The following PLEKHA6 variants were observed in gnomAD, a reference collection of about 807,000 sequenced individuals.
PLEKHA6 encodes the protein pleckstrin homology domain containing A6, also known as pleckstrin homology domain-containing family A member 6.
In PLEKHA6, 60 loss-of-function variants were observed where a neutral mutation model predicts 116.7. The observed-to-expected ratio is 0.51, with a 90% CI of 0.42 to 0.64. The LOEUF is 0.64. Among genes scored for constraint, PLEKHA6 ranks in the 30% least tolerant of loss-of-function variants. The pLI, the probability that PLEKHA6 is intolerant of heterozygous loss-of-function variation, is 0.00. For missense variants in PLEKHA6, 1,338 were observed against 1,422.7 expected, an observed-to-expected ratio of 0.94 and a Z score of 0.96; for synonymous variants, 489 against 556.1, an observed-to-expected ratio of 0.88 and a Z score of 1.70.
At chr1:204,290,468 T>C (rs962545703) in intron 1 of PLEKHA6, among the ~76,000 whole-genome samples, 3 of 152,026 alleles carry the variant, frequency 2.0e-5, no homozygotes, top group African/African-American at 4.8e-5. Flanking sequence ...GTAAAACACA[T>C]GAAAACAAAC....
intron 1 of PLEKHA6, among the ~76,000 whole-genome samples, chr1:204,296,046 G>A (rs950002681): frequency 1.3e-5 from 2 of 152,070 alleles, no homozygotes; most frequent in African/African-American, 4.8e-5. Context: ...GACCAAGGAA[G>A]GGCATATGTG....
At chr1:204,328,042 TTTATTTTATTTATTTATTTA>T (rs1433749330) in intron 1 of PLEKHA6, among the ~76,000 whole-genome samples, 73 of 134,622 alleles carry the variant, frequency 5.4e-4, no homozygotes, top group African/African-American at 1.9e-3. Context: ...GCTGCTTTTA[TTTATTTTATTTATTTATTTA>T]TTTATTTATT....
At chr1:204,254,722 G>C (rs1466322780) in intron 9 of PLEKHA6, among the ~76,000 whole-genome samples, 1 of 152,204 alleles carries the variant, frequency 6.6e-6, no homozygotes, top group Admixed American at 6.5e-5. Flanking sequence ...GCTTAGAATA[G>C]TATGGGGCAT....
At chr1:204,322,007 A>G (rs1672080094) in intron 1 of PLEKHA6, among the ~76,000 whole-genome samples, 1 of 152,242 alleles carries the variant, frequency 6.6e-6, no homozygotes, top group Non-Finnish European at 1.5e-5. Flanking sequence ...AACTAAAAAC[A>G]TAAACCACCA....
chr1:204,240,968 C>T (rs953275971), intron 17 of PLEKHA6, among the ~76,000 whole-genome samples: 3 of 152,148 alleles, frequency 2.0e-5, no homozygotes, highest in Non-Finnish European at 2.9e-5. Flanking sequence ...ATTTTTCTCC[C>T]GTGCTGGATG....
chr1:204,250,649 G>A, intron 9 of PLEKHA6, 35 bp from the exon 10 acceptor site: 3 of 1,452,612 alleles, frequency 2.1e-6, no homozygotes, highest in Non-Finnish European at 2.9e-6. Flanking sequence ...TGCAGCAGGG[G>A]CAGGATGAGG....
intron 17 of PLEKHA6, among the ~76,000 whole-genome samples, chr1:204,236,134 G>A (rs573886522): frequency 1.3e-5 from 2 of 152,332 alleles, no homozygotes; most frequent in East Asian, 1.9e-4. Context: ...TGGGATAATG[G>A]TGGAAGGAAC....
intron 5 of PLEKHA6, among the ~76,000 whole-genome samples, chr1:204,266,431 G>A (rs1472083093): frequency 6.6e-6 from 1 of 152,176 alleles, no homozygotes; most frequent in Non-Finnish European, 1.5e-5. Flanking sequence ...CCTGTGCAGA[G>A]ACCCCCAATT....
intron 1 of PLEKHA6, among the ~76,000 whole-genome samples, chr1:204,293,767 T>C (rs1670000647): frequency 6.6e-6 from 1 of 152,230 alleles, no homozygotes; most frequent in African/African-American, 2.4e-5. Flanking sequence ...TTAATCGCCT[T>C]ACTCTAGTCA....
Position 204,283,949 on chromosome 1 carries a change from T to A in PLEKHA6, c.-94-9140A>T, listed in dbSNP as rs1668906192. The stretch of plus-strand genomic sequence containing the variant: ...AGGGGAACTGAATAACTGTTTGAGT[T>A]TGATGGAGCAGCTGTAGGGCAGGCC... On this transcript the variant is annotated intron_variant, in intron 1 of 22. Transcript: ENST00000272203. Among the ~76,000 whole-genome samples the A allele has an allele frequency of 2.6e-5, 4 of 152,144 alleles. No homozygotes were observed. The South Asian group carries it at 8.3e-4, about 32-fold the overall frequency.
At chr1:204,240,120 A>C (rs907760166) in intron 17 of PLEKHA6, among the ~76,000 whole-genome samples, 7 of 152,220 alleles carry the variant, frequency 4.6e-5, no homozygotes, top group Admixed American at 4.6e-4. Flanking sequence ...ATCAAGATGA[A>C]ATCAGTCTAC....
At chr1:204,332,672 G>T (rs949169267) in intron 1 of PLEKHA6, among the ~76,000 whole-genome samples, 1 of 152,120 alleles carries the variant, frequency 6.6e-6, no homozygotes, top group Admixed American at 6.5e-5. Flanking sequence ...GAGCCACTGC[G>T]CCTGACCCAG....
intron 9 of PLEKHA6, among the ~76,000 whole-genome samples, chr1:204,252,411 A>AT (rs762061697): frequency 3.1e-4 from 47 of 152,144 alleles, no homozygotes; most frequent in Non-Finnish European, 6.2e-4. Flanking sequence ...CAGAAATGCC[A>AT]TCATTTCCCC....
chr1:204,346,668 T>C (rs1028110901), intron 1 of PLEKHA6: 38 of 679,264 alleles, frequency 5.6e-5, no homozygotes, highest in Non-Finnish European at 1.0e-4. Flanking sequence ...AAGTGACCCA[T>C]CACCTCAGAA....
chr1:204,336,300 G>A (rs114441704), intron 1 of PLEKHA6, among the ~76,000 whole-genome samples: 2,554 of 152,224 alleles, frequency 0.017, 63 homozygotes, highest in African/African-American at 0.055. Context: ...CCTGCTCCCC[G>A]CAAGTGACAA....
At chr1:204,224,499 C>T (rs917379891) in intron 21 of PLEKHA6, among the ~76,000 whole-genome samples, 1 of 151,844 alleles carries the variant, frequency 6.6e-6, no homozygotes, top group African/African-American at 2.4e-5. Flanking sequence ...CCTCGTCCCC[C>T]ACCCTACCCT....
chr1:204,269,589 C>T (rs1667239367), intron 3 of PLEKHA6, among the ~76,000 whole-genome samples: 1 of 151,752 alleles, frequency 6.6e-6, no homozygotes, highest in African/African-American at 2.4e-5. Context: ...TGCCTCTGTC[C>T]TCCCGACAAT....
At chr1:204,254,621 C>A (rs868315096) in intron 9 of PLEKHA6, among the ~76,000 whole-genome samples, 2 of 152,086 alleles carry the variant, frequency 1.3e-5, no homozygotes, top group African/African-American at 4.8e-5. Flanking sequence ...CCTCTCTGTG[C>A]TTTAGTTTCC....
intron 1 of PLEKHA6, among the ~76,000 whole-genome samples, chr1:204,305,080 A>T (rs1424198026): frequency 2.6e-5 from 4 of 152,196 alleles, no homozygotes; most frequent in Non-Finnish European, 5.9e-5. Context: ...GAGGAAAAAA[A>T]GTATGCCTCT....
Sources: gnomAD v4.1 joint callset for allele counts (sites outside exome capture counted in the v4.1 genomes callset) on GRCh38, gnomAD v4.1.1 for gene constraint, MANE v1.5 for transcripts, NCBI Gene and HGNC (gene_info 2026-07-23, HGNC 2026-07-21) for gene names.